The following HTR2C variants were observed in gnomAD, a reference collection of about 807,000 sequenced individuals.
The protein encoded by HTR2C is 5-hydroxytryptamine receptor 2C, also known as 5-hydroxytryptamine (serotonin) receptor 2C, G protein-coupled.
Under a neutral mutation model 21.0 loss-of-function variants are expected in HTR2C, and 5 were observed. The observed-to-expected ratio is 0.24, with a 90% confidence interval of 0.12 to 0.50. The LOEUF is 0.50. Among genes scored for constraint, HTR2C ranks in the 20% least tolerant of loss-of-function variants. The pLI is 0.98. For synonymous variants in HTR2C, 150 were observed against 145.3 expected, an observed-to-expected ratio of 1.03 and a Z score of -0.23; for missense variants, 271 against 371.2, an observed-to-expected ratio of 0.73 and a Z score of 2.22.
Position 114,846,918 on chromosome X carries a change from A to G in HTR2C, c.350-1085A>G, listed in dbSNP as rs1478888315. On this transcript the variant is annotated intron_variant, in intron 4 of 5. Coordinates refer to ENST00000276198, the MANE Select transcript of HTR2C (RefSeq NM_000868.4). ...TGGAAAATCCCAAAGAGTCAACACA[A>G]AACATAGCTCTAATAAATGAATTCA... 7.1e-5 allele frequency among the ~76,000 whole-genome samples: 8 copies of G among 112,259 alleles called. No homozygotes were observed. The Admixed American group carries it at 7.6e-4, about 11-fold the overall frequency.
intron 4 of HTR2C, among the ~76,000 whole-genome samples, chrX:114,806,872 G>A (rs1569496012): frequency 1.1e-5 from 1 of 92,880 alleles, no homozygotes; most frequent in African/African-American, 4.0e-5. Flanking sequence ...TATATACCAT[G>A]TATATACACC....
intron 4 of HTR2C, among the ~76,000 whole-genome samples, chrX:114,780,520 CAG>C (rs1417489425): frequency 9.0e-6 from 1 of 111,296 alleles, no homozygotes; most frequent in African/African-American, 3.3e-5. Context: ...AAGGATAAAA[CAG>C]AGGTAAACAT....
At chrX:114,782,300 G>A (rs1443737924) in intron 4 of HTR2C, among the ~76,000 whole-genome samples, 2 of 111,537 alleles carry the variant, frequency 1.8e-5, no homozygotes, top group Admixed American at 9.6e-5. Context: ...TGAAAAGGAA[G>A]TATTTCAGTA....
intron 4 of HTR2C, among the ~76,000 whole-genome samples, chrX:114,786,683 T>C (rs2070177604): frequency 9.0e-6 from 1 of 110,854 alleles, no homozygotes; most frequent in Admixed American, 9.7e-5. Context: ...TATATGAAAT[T>C]GATATTTTTG....
chrX:114,621,390 C>CT (rs1210160350), intron 2 of HTR2C, among the ~76,000 whole-genome samples: 16 of 112,259 alleles, frequency 1.4e-4, no homozygotes, highest in African/African-American at 4.8e-4. Flanking sequence ...GTGAGTGGGG[C>CT]TGGGTTCCAA....
At chrX:114,855,880 A>T (rs1271445248) in intron 5 of HTR2C, among the ~76,000 whole-genome samples, 11 of 101,547 alleles carry the variant, frequency 1.1e-4, no homozygotes, top group African/African-American at 4.0e-4. Flanking sequence ...ATTCTTTATA[A>T]TTTTTTTCCA....
At chrX:114,779,056 T>C (rs1556439824) in intron 4 of HTR2C, among the ~76,000 whole-genome samples, 1 of 111,809 alleles carries the variant, frequency 8.9e-6, no homozygotes, top group African/African-American at 3.2e-5. Context: ...GGATTCCATT[T>C]TAGAAGATAT....
At chrX:114,723,010 C>A (rs1463650909) in intron 2 of HTR2C, among the ~76,000 whole-genome samples, 3 of 111,494 alleles carry the variant, frequency 2.7e-5, no homozygotes, top group Non-Finnish European at 5.7e-5. Context: ...GCTTTGGTAT[C>A]AGGATGATGC....
In HTR2C at chrX:114,769,738, C is replaced by G. The variant is rs1421924040; in HGVS notation, c.349+38131C>G. ...TGTGATATCATTGTCATGCAAATTA[C>G]ATTTTTATACATTATAATGCATCAA... On this transcript the variant is annotated intron_variant, in intron 4 of 5. Transcript: ENST00000276198. Among the ~76,000 whole-genome samples the G allele has an allele frequency of 2.7e-5, 3 of 111,217 alleles. No individual in the cohort carries two copies. In the Admixed American group the frequency reaches 2.9e-4, roughly 11 times the overall value.
rs781992958 is a variant in HTR2C, at chrX:114,704,604, C to T, written c.-79-22254C>T. 1.5e-3 allele frequency among the ~76,000 whole-genome samples: 166 copies of T among 111,592 alleles called. 1 individual carries two copies. Among genetic ancestry groups the T allele is most frequent in the African/African-American group, 5.1e-3 (157 of 30,748 alleles). On this transcript the variant is annotated intron_variant, in intron 2 of 5. Coordinates refer to ENST00000276198, the MANE Select transcript of HTR2C (RefSeq NM_000868.4). ...TGACAAACCCACAGCCAATATCATA[C>T]TGAATGGGCAAAAACTGGAAGCATT...
chrX:114,615,567 A>G (rs982613440), intron 2 of HTR2C, among the ~76,000 whole-genome samples: 2 of 111,867 alleles, frequency 1.8e-5, no homozygotes, highest in Admixed American at 9.5e-5. Flanking sequence ...CAGGCTTCAA[A>G]CAATGTTCAC....
intron 1 of HTR2C, among the ~76,000 whole-genome samples, chrX:114,591,071 G>A (rs1927609577): frequency 9.0e-6 from 1 of 111,705 alleles, no homozygotes; most frequent in Admixed American, 9.5e-5. Flanking sequence ...GAGTGATCAC[G>A]TCATGAATCT....
intron 4 of HTR2C, among the ~76,000 whole-genome samples, chrX:114,840,842 T>C (rs1175784003): frequency 2.7e-5 from 3 of 111,777 alleles, no homozygotes; most frequent in Non-Finnish European, 5.6e-5. Flanking sequence ...AAGAACTTGT[T>C]ATATACTGGT....
intron 2 of HTR2C, among the ~76,000 whole-genome samples, chrX:114,724,607 G>C (rs1300735122): frequency 1.1e-5 from 1 of 93,334 alleles, no homozygotes; most frequent in Admixed American, 1.3e-4. Context: ...TTTCTTCCTA[G>C]TCTTGATGGT....
At chrX:114,750,043 T>C (rs1556427567) in intron 4 of HTR2C, among the ~76,000 whole-genome samples, 2 of 111,695 alleles carry the variant, frequency 1.8e-5, no homozygotes. Flanking sequence ...ATCACACCCA[T>C]TTTCCTTGTG....
intron 4 of HTR2C, among the ~76,000 whole-genome samples, chrX:114,810,230 G>A (rs979156888): frequency 9.0e-6 from 1 of 111,235 alleles, no homozygotes; most frequent in Admixed American, 9.5e-5. Flanking sequence ...TGTGAGCTAT[G>A]GTGTCAGGGA....
At chrX:114,612,000 A>C (rs782544944) in intron 1 of HTR2C, among the ~76,000 whole-genome samples, 26 of 112,067 alleles carry the variant, frequency 2.3e-4, no homozygotes, top group Non-Finnish European at 4.5e-4. Context: ...CCTGGCCCAA[A>C]GTTTTAATCC....
rs202042319 is a variant in HTR2C at position 114,731,408 on chromosome X, C to T, written c.150C>T (p.Asp50=). 5.1e-5 allele frequency: 62 copies of T among 1,206,570 alleles called. No individual in the cohort carries two copies. Among genetic ancestry groups the T allele is most frequent in the Non-Finnish European group, 6.7e-5 (60 of 892,945 alleles). Residue 50 remains aspartate, a synonymous_variant, in exon 4 of 6, where the codon GAC becomes GAT. Coordinates refer to ENST00000276198, the MANE Select transcript of HTR2C (RefSeq NM_000868.4). ...ATGGTGGACGCTTCAAATTCCCAGA[C>T]GGGGTACAAAACTGGCCAGCACTTT... ...TSDGGRFKFP[D]GVQNWPALSI... is the part of the protein sequence containing the mutation.
chrX:114,801,381 G>A lies in HTR2C; in HGVS notation c.350-46622G>A, dbSNP rs782541029. ...ATAGATAGATGTGGTATCCTGATGT[G>A]GTAAAATAAACTCCAATCAGGAGTA... On this transcript the variant is annotated intron_variant, in intron 4 of 5. Transcript: ENST00000276198. Among the ~76,000 whole-genome samples the A allele has an allele frequency of 1.4e-4, 16 of 111,188 alleles. No homozygotes were observed. In the South Asian group the frequency reaches 5.3e-3, roughly 37 times the overall value.
Sources: gnomAD v4.1 joint callset for allele counts (sites outside exome capture counted in the v4.1 genomes callset) on GRCh38, gnomAD v4.1.1 for gene constraint, MANE v1.5 for transcripts, NCBI Gene and HGNC (gene_info 2026-07-23, HGNC 2026-07-21) for gene names.